MROH2B: variants seen among roughly 807,000 people sequenced by gnomAD.
MROH2B encodes maestro heat like repeat family member 2B.
A neutral mutation model predicts 208.6 loss-of-function variants in MROH2B; 177 were observed. The observed-to-expected ratio is 0.85, with a 90% CI of 0.75 to 0.96. The LOEUF is 0.96. Among genes scored for constraint, MROH2B ranks in the 40% least tolerant of loss-of-function variants. MROH2B has a pLI of 0.00. For synonymous variants in MROH2B, 728 were observed against 659.0 expected (o/e 1.10, Z -1.60); for missense variants, 2,002 against 1,878.7 (o/e 1.07, Z -1.21).
In MROH2B at chr5:41,033,884, A is replaced by C; in HGVS notation, c.2215-20T>G. The stretch of plus-strand genomic sequence containing the variant: ...CAGAACCTAAAAAAAATCAAAGGCA[A>C]AATTAGATACTCAATGAGTGGCATT... On this transcript the variant is annotated intron_variant, in intron 21 of 41. Coordinates refer to ENST00000399564, the MANE Select transcript of MROH2B (RefSeq NM_173489.5). The C allele has an allele frequency of 6.5e-7, 1 of 1,549,492 alleles. No individual in the cohort carries two copies. Among genetic ancestry groups the C allele is most frequent in the African/African-American group, 1.4e-5 (1 of 72,952 alleles).
chr5:41,030,555 A>T (rs1742532149), intron 24 of MROH2B, among the ~76,000 whole-genome samples: 1 of 152,120 alleles, frequency 6.6e-6, no homozygotes, highest in South Asian at 2.1e-4. Context: ...GCCCAAAGCA[A>T]TATACATATT....
At chr5:41,027,750 G>C (rs1167618833) in intron 24 of MROH2B, among the ~76,000 whole-genome samples, 1 of 152,180 alleles carries the variant, frequency 6.6e-6, no homozygotes, top group African/African-American at 2.4e-5. Flanking sequence ...TATGTTTATT[G>C]TGGCACTATT....
intron 18 of MROH2B, among the ~76,000 whole-genome samples, chr5:41,043,537 G>A (rs1743018239): frequency 6.6e-6 from 1 of 152,206 alleles, no homozygotes; most frequent in Non-Finnish European, 1.5e-5. Flanking sequence ...GTGCCTCCCA[G>A]TCCTGCTGAC....
chr5:41,023,292 G>T (rs1742225360), intron 24 of MROH2B, among the ~76,000 whole-genome samples: 1 of 152,094 alleles, frequency 6.6e-6, no homozygotes, highest in South Asian at 2.1e-4. Context: ...TAAAAATCTT[G>T]AAAAAAGATT....
chr5:41,027,484 G>A (rs1482412379), intron 24 of MROH2B, among the ~76,000 whole-genome samples: 9 of 152,124 alleles, frequency 5.9e-5, no homozygotes, highest in South Asian at 4.2e-4. Flanking sequence ...CAAAACCACA[G>A]TGAGATACCA....
intron 9 of MROH2B, among the ~76,000 whole-genome samples, chr5:41,056,880 C>T (rs1743470558): frequency 6.6e-6 from 1 of 152,064 alleles, no homozygotes; most frequent in Admixed American, 6.5e-5. Flanking sequence ...TCTCCCTGGA[C>T]CTATCCCAGT....
rs752206026 is a variant in MROH2B, at chr5:41,012,657, G to A, written c.3061C>T (p.Pro1021Ser). 5.6e-6 allele frequency: 9 copies of A among 1,613,758 alleles called. No individual in the cohort carries two copies. Among genetic ancestry groups the A allele is most frequent in the Non-Finnish European group, 7.6e-6 (9 of 1,179,830 alleles). Residue 1021 changes from proline to serine, a missense_variant, in exon 30 of 42, where the codon CCC becomes TCC. Transcript: ENST00000399564. The stretch of plus-strand genomic sequence containing the variant: ...ATGCCACAGGCCTTTGTACAAGTGG[G>A]GTTGAGGCTCTCCAGACCGTCCAGC... ...EMLDGLESLN[P>S]TCTKACGIWM...
chr5:41,057,252 A>T lies in MROH2B; in HGVS notation c.849+16T>A, dbSNP rs1190981368. 3 of 1,607,374 alleles carry T rather than the reference A, an allele frequency of 1.9e-6. No homozygotes were observed. Among genetic ancestry groups the T allele is most frequent in the Non-Finnish European group, 2.5e-6 (3 of 1,176,596 alleles). Reference sequence around the variant, plus strand: ...GTTGAAATTAAAAATTGGAGTTGACAGCATGGTCTTCTTACCTGCTGGAGT... The same window carrying T: ...GTTGAAATTAAAAATTGGAGTTGACTGCATGGTCTTCTTACCTGCTGGAGT... On this transcript the variant is annotated intron_variant, in intron 8 of 41. Transcript: ENST00000399564.
chr5:41,018,681 C>A lies in MROH2B; in HGVS notation c.2673+10G>T. 1 of 1,612,772 alleles carries A rather than the reference C, an allele frequency of 6.2e-7. No individual in the cohort carries two copies. On this transcript the variant is annotated intron_variant, in intron 26 of 41. Coordinates refer to ENST00000399564, the MANE Select transcript of MROH2B (RefSeq NM_173489.5). ...GAATGAGAATCAGTTTGAGTGGAGG[C>A]TCTACTCACATTAAACATTTCTTGA...
chr5:41,057,312 G>A lies in MROH2B; in HGVS notation c.805C>T (p.Pro269Ser). 1 of 1,592,962 alleles carries A rather than the reference G, an allele frequency of 6.3e-7. No homozygotes were observed. Among genetic ancestry groups the A allele is most frequent in the Non-Finnish European group, 8.6e-7 (1 of 1,168,886 alleles). Residue 269 changes from proline (P) to serine (S), a missense_variant, in exon 8 of 42, where the codon CCA becomes TCA. By Grantham distance (74) the Pro-to-Ser change is moderately conservative. Coordinates refer to ENST00000399564, the MANE Select transcript of MROH2B (RefSeq NM_173489.5). ...TAAVLYDIGL[P>S]RSLRRSIFIN... ...AAGATGGATCTTCTCAAGCTCCTTG[G>A]AAGGCCAATGTCATAAAGAACTGCT...
At chr5:41,014,896 AG>A (rs1235689087) in intron 29 of MROH2B, among the ~76,000 whole-genome samples, 3 of 152,214 alleles carry the variant, frequency 2.0e-5, no homozygotes, top group African/African-American at 7.2e-5. Context: ...ATACAAGCTC[AG>A]TGAAACAGGA....
At chr5:41,062,264 A>G (rs915207779) in intron 5 of MROH2B, among the ~76,000 whole-genome samples, 2 of 152,224 alleles carry the variant, frequency 1.3e-5, no homozygotes, top group African/African-American at 4.8e-5. Context: ...TAGAATACAG[A>G]AATAAAAATG....
chr5:41,032,712 T>C, intron 24 of MROH2B, 30 bp downstream of exon 24: 1 of 1,585,054 alleles, frequency 6.3e-7, no homozygotes, highest in East Asian at 2.2e-5. Context: ...GAAAATACTT[T>C]TTCAATGAAA....
At chr5:41,057,400 G>A (rs1405700789) in intron 7 of MROH2B, 40 bp from the exon 8 acceptor site, 2 of 1,461,748 alleles carry the variant, frequency 1.4e-6, no homozygotes, top group East Asian at 2.4e-5. Flanking sequence ...GAGGCTGCCA[G>A]GGAAGCAGCT....
At chr5:41,045,963 T>A in intron 17 of MROH2B, 110 bp from the exon 18 acceptor site, 1 of 580,578 alleles carries the variant, frequency 1.7e-6, no homozygotes, top group Non-Finnish European at 2.8e-6. Flanking sequence ...TAAATAGTAT[T>A]ATTCCCTTTT....
chr5:41,018,522 C>A, intron 26 of MROH2B, 92 bp from the exon 27 acceptor site: 5 of 1,474,898 alleles, frequency 3.4e-6, no homozygotes, highest in Non-Finnish European at 2.8e-6. Flanking sequence ...TCTTTTGTAA[C>A]ACGGTGCTCA....
chr5:41,036,544 T>C (rs1021348583), intron 21 of MROH2B, among the ~76,000 whole-genome samples: 1 of 152,114 alleles, frequency 6.6e-6, no homozygotes, highest in South Asian at 2.1e-4. Context: ...TAAAAAATAA[T>C]AAAACCATGA....
intron 6 of MROH2B, among the ~76,000 whole-genome samples, chr5:41,058,908 C>T (rs1393594681): frequency 1.3e-5 from 2 of 151,640 alleles, no homozygotes; most frequent in African/African-American, 2.4e-5. Flanking sequence ...ATTAGCTGGG[C>T]ATGGTGGTGG....
Position 41,049,358 on chromosome 5 carries a change from T to G in MROH2B, c.1423A>C (p.Arg475=). Residue 475 remains arginine, a synonymous_variant, in exon 14 of 42, where the codon AGA becomes CGA. Transcript: ENST00000399564. ...TTCTCCTCTGCCATAATCAGAATTCTGATGATACTAAACAGGGGCTCCAGA... is the reference window on the plus strand; with the variant it reads ...TTCTCCTCTGCCATAATCAGAATTCGGATGATACTAAACAGGGGCTCCAGA... ...EALEPLFSII[R]ILIMAEEKKQ... is the part of the protein sequence containing the mutation. 6.2e-7 allele frequency: 1 copy of G among 1,613,782 alleles called. No homozygotes were observed. Among genetic ancestry groups the G allele is most frequent in the Non-Finnish European group, 8.5e-7 (1 of 1,179,780 alleles).
Sources: gnomAD v4.1 joint callset for allele counts (sites outside exome capture counted in the v4.1 genomes callset) on GRCh38, gnomAD v4.1.1 for gene constraint, MANE v1.5 for transcripts, NCBI Gene and HGNC (gene_info 2026-07-23, HGNC 2026-07-21) for gene names.